Variants in GON4L observed in about 807,000 individuals in gnomAD.
GON4L encodes the protein gon-4 like.
Under a neutral mutation model 211.8 loss-of-function variants are expected in GON4L, and 87 were observed. That is an observed-to-expected ratio of 0.41 (90% CI 0.35 to 0.49). The LOEUF is 0.49. GON4L is among the 20% of genes least tolerant of loss of function. The probability of loss-of-function intolerance (pLI) is 0.15; values close to 1 mark genes in which losing one functional copy is unlikely to be tolerated. For synonymous variants in GON4L, 875 were observed against 962.6 expected, an observed-to-expected ratio of 0.91 and a Z score of 1.68; for missense variants, 2,155 against 2,659.5, an observed-to-expected ratio of 0.81 and a Z score of 4.17.
intron 21 of GON4L, chr1:155,764,677 G>T: frequency 1.6e-6 from 1 of 631,278 alleles, no homozygotes; most frequent in Non-Finnish European, 2.7e-6. Context: ...CTGGCCTTGT[G>T]ATCCACCCAC....
chr1:155,777,924 C>T, intron 14 of GON4L, 104 bp from the exon 15 acceptor site: 1 of 750,916 alleles, frequency 1.3e-6, no homozygotes, highest in Non-Finnish European at 2.4e-6. Flanking sequence ...TTTTCATTCC[C>T]TACTAATCCC....
chr1:155,813,871 G>GA, intron 9 of GON4L, 67 bp from the exon 10 acceptor site: 5 of 1,337,976 alleles, frequency 3.7e-6, no homozygotes, highest in Non-Finnish European at 3.2e-6. Flanking sequence ...GCAAAAAAAG[G>GA]AAAAAAAGAG....
intron 2 of GON4L, among the ~76,000 whole-genome samples, chr1:155,830,232 G>C (rs1200350867): frequency 6.6e-6 from 1 of 151,106 alleles, no homozygotes; most frequent in Non-Finnish European, 1.5e-5. Context: ...TTACAGGCAT[G>C]AGCCACGCAC....
At position 155,777,826 on chromosome 1, in the gene GON4L, C is replaced by A; in HGVS notation, c.1893-6G>T. The A allele has an allele frequency of 1.9e-6, 3 of 1,583,636 alleles. No homozygotes were observed. The highest frequency in any genetic ancestry group is 2.6e-6 in the Non-Finnish European group (3 of 1,153,092). The stretch of plus-strand genomic sequence containing the variant: ...TGGCCAGTGGTTCCTCAAACCTATT[C>A]CCAACAGGGAGATGACTGAATTTGA... On this transcript the variant is annotated splice_region_variant and splice_polypyrimidine_tract_variant and intron_variant, in intron 14 of 31. Transcript: ENST00000368331.
chr1:155,757,948 C>T lies in GON4L; in HGVS notation c.5196G>A (p.Gln1732=), dbSNP rs1165795025. The part of the protein sequence containing the change: ...ICFAENPSHH[Q]KIIKVLQGCA... ...AGCCTTGGAGGACCTTGATAATCTT[C>T]TGGTGGTGTGAGGGGTTCTCTGCAA... The change falls in exon 25 of 32, where the codon CAG becomes CAA. Residue 1732 remains glutamine, a synonymous_variant. Coordinates refer to ENST00000368331, the MANE Select transcript of GON4L (RefSeq NM_001282860.2). The T allele has an allele frequency of 7.9e-5, 35 of 442,422 alleles. No individual in the cohort carries two copies. The African/African-American group carries it at 1.1e-3, about 14-fold the overall frequency. 27.4% of individuals were successfully genotyped at this position (442,422 alleles called of 1,614,324 possible). A position where few individuals can be genotyped will look rare whatever the true frequency, so the allele number is the denominator to read the frequency against.
chr1:155,825,957 C>T (rs1377025942), intron 3 of GON4L, among the ~76,000 whole-genome samples: 1 of 151,988 alleles, frequency 6.6e-6, no homozygotes, highest in Non-Finnish European at 1.5e-5. Flanking sequence ...GCGGGAGAAT[C>T]GCTTGAACCT....
intron 14 of GON4L, among the ~76,000 whole-genome samples, chr1:155,783,736 CGGA>C (rs939083111): frequency 6.6e-6 from 1 of 152,206 alleles, no homozygotes; most frequent in Non-Finnish European, 1.5e-5. Context: ...ACCACTCACC[CGGA>C]GAAGTGGATA....
At chr1:155,856,369 A>G (rs911549909) in intron 1 of GON4L, among the ~76,000 whole-genome samples, 2 of 151,356 alleles carry the variant, frequency 1.3e-5, no homozygotes, top group African/African-American at 2.4e-5. Flanking sequence ...CTAGGACTAC[A>G]AGGCACTTGC....
At chr1:155,804,610 C>T (rs1666968361) in intron 11 of GON4L, among the ~76,000 whole-genome samples, 1 of 151,848 alleles carries the variant, frequency 6.6e-6, no homozygotes, top group South Asian at 2.1e-4. Context: ...ATAGTGACAT[C>T]TCGTTTCTAC....
At position 155,822,488 on chromosome 1, in the gene GON4L, C is replaced by T. The variant is rs781415372; in HGVS notation, c.698-12G>A. ...ATTGTCTTGTTCTTCTGCAAATAAA[C>T]CAAGAACATCATCAGAATTCCAAAA... is the stretch of plus-strand genomic sequence containing the variant. On this transcript the variant is annotated splice_polypyrimidine_tract_variant and intron_variant, in intron 3 of 31. Transcript: ENST00000368331. 2.5e-6 allele frequency: 4 copies of T among 1,602,148 alleles called. No homozygotes were observed. The highest frequency in any genetic ancestry group is 2.6e-6 in the Non-Finnish European group (3 of 1,170,972).
chr1:155,767,302 G>A (rs1662615881), intron 20 of GON4L, 123 bp downstream of exon 20: 1 of 1,599,356 alleles, frequency 6.3e-7, no homozygotes, highest in African/African-American at 1.3e-5. Flanking sequence ...AGGTGAATCA[G>A]GAAGATTTCT....
intron 12 of GON4L, among the ~76,000 whole-genome samples, chr1:155,789,669 A>C (rs1403510456): frequency 2.0e-5 from 3 of 152,116 alleles, no homozygotes; most frequent in African/African-American, 7.2e-5. Flanking sequence ...TTGAAAACTA[A>C]GATGCATCCA....
downstream of GON4L, chr1:155,745,863 A>G (rs749670132): frequency 9.1e-6 from 8 of 883,116 alleles, no homozygotes; most frequent in Admixed American, 1.0e-4. Context: ...CTCACACTGC[A>G]GTTGGGACAT....
chr1:155,788,772 A>T (rs1665208160), intron 12 of GON4L, among the ~76,000 whole-genome samples: 2 of 152,174 alleles, frequency 1.3e-5, no homozygotes, highest in Admixed American at 1.3e-4. Context: ...GTGAGGTTCT[A>T]AAACTGGCAA....
Position 155,760,707 on chromosome 1 carries a change from AG to A in GON4L, c.4912-67del, listed in dbSNP as rs1038427972. 4.7e-6 allele frequency: 5 copies of A among 1,074,154 alleles called. No individual in the cohort carries two copies. The African/African-American group carries it at 7.7e-5, about 17-fold the overall frequency. 66.5% of individuals were successfully genotyped at this position (1,074,154 alleles called of 1,614,324 possible). On this transcript the variant is annotated intron_variant, in intron 23 of 31. Coordinates refer to ENST00000368331, the MANE Select transcript of GON4L (RefSeq NM_001282860.2). Reference sequence around the variant, plus strand: ...GGCCACAACAAGCAATAAGGGTACAAGGGAGAAGGCAGGGTTATGGTTAGAG... The same window carrying A: ...GGCCACAACAAGCAATAAGGGTACAAGGAGAAGGCAGGGTTATGGTTAGAG...
chr1:155,748,938 T>C, downstream of GON4L: 5 of 832,624 alleles, frequency 6.0e-6, no homozygotes, highest in South Asian at 1.9e-5. Context: ...ATCCAGCTGA[T>C]GGCCTGATAA....
In GON4L at chr1:155,783,071, A is replaced by C. The variant is rs183661408; in HGVS notation, c.1892+915T>G. Among the ~76,000 whole-genome samples the C allele has an allele frequency of 4.6e-5, 7 of 152,336 alleles. No homozygotes were observed. In the East Asian group the frequency reaches 1.3e-3, roughly 29 times the overall value. On this transcript the variant is annotated intron_variant, in intron 14 of 31. Coordinates refer to ENST00000368331, the MANE Select transcript of GON4L (RefSeq NM_001282860.2). ...GGATGAATGGTTCCATTCTGCTATA[A>C]CAGAATTTTGTTGTATGAGCTGTAA... is the stretch of plus-strand genomic sequence containing the variant.
chr1:155,785,400 G>T (rs200801159), intron 12 of GON4L, 26 bp from the exon 13 acceptor site: 196 of 1,537,082 alleles, frequency 1.3e-4, no homozygotes, highest in Middle Eastern at 5.1e-4. Context: ...ACAGTATATT[G>T]TTGGTATAAA....
chr1:155,807,574 G>C (rs542222715), intron 10 of GON4L, among the ~76,000 whole-genome samples: 1 of 151,326 alleles, frequency 6.6e-6, no homozygotes, highest in Non-Finnish European at 1.5e-5. Flanking sequence ...CATGGTGGCA[G>C]GCGCCTGTAG....
Sources: allele counts gnomAD v4.1 joint callset (sites outside exome capture counted in the v4.1 genomes callset), GRCh38; gene constraint gnomAD v4.1.1; transcripts MANE v1.5; gene names NCBI Gene and HGNC (gene_info 2026-07-23, HGNC 2026-07-21).